Variants in MSH3 observed in about 807,000 individuals in gnomAD.
The protein encoded by MSH3 is DNA mismatch repair protein Msh3.
Under a neutral mutation model 123.3 loss-of-function variants are expected in MSH3, and 106 were observed. That is an observed-to-expected ratio of 0.86 (90% CI 0.73 to 1.01). The LOEUF (loss-of-function observed/expected upper bound fraction) is 1.01. Ranked by LOEUF, MSH3 falls within the 50% of genes least tolerant of loss-of-function variation. MSH3 has a pLI of 0.00. For synonymous variants in MSH3, 515 were observed against 481.4 expected (o/e 1.07, Z -0.91); for missense variants, 1,459 against 1,347.6 (o/e 1.08, Z -1.29).
At chr5:80,662,701 C>T (rs1749462975) in intron 2 of MSH3, among the ~76,000 whole-genome samples, 2 of 152,026 alleles carry the variant, frequency 1.3e-5, no homozygotes, top group Non-Finnish European at 2.9e-5. Flanking sequence ...GTGGCACACA[C>T]CTGTAATCCC....
At chr5:80,832,270 G>T (rs1056112366) in intron 20 of MSH3, among the ~76,000 whole-genome samples, 1 of 152,078 alleles carries the variant, frequency 6.6e-6, no homozygotes, top group African/African-American at 2.4e-5. Context: ...AAAGGGGAGA[G>T]TAAAGAGTTA....
chr5:80,681,552 T>C, intron 8 of MSH3, among the ~76,000 whole-genome samples: 1 of 151,842 alleles, frequency 6.6e-6, no homozygotes, highest in Admixed American at 6.6e-5. Context: ...AATGGATAAA[T>C]TATGATAAAT....
At position 80,864,916 on chromosome 5, in the gene MSH3, G is replaced by C. The variant is rs763246818; in HGVS notation, c.3104G>C (p.Ser1035Thr). The C allele has an allele frequency of 6.2e-7, 1 of 1,613,990 alleles. No individual in the cohort carries two copies. The highest frequency in any genetic ancestry group is 2.2e-5 in the East Asian group (1 of 44,852). Residue 1035 changes from serine to threonine, a missense_variant, in exon 22 of 24, where the codon AGT becomes ACT. By Grantham distance (58) the Ser-to-Thr change is moderately conservative (BLOSUM62 1). Transcript: ENST00000265081. Reference sequence around the variant, plus strand: ...AATTACCACATGGGATTCTTGGTCAGTGAGGATGAAAGCAAACTGGATCCA... The same window carrying C: ...AATTACCACATGGGATTCTTGGTCACTGAGGATGAAAGCAAACTGGATCCA... ...VGNYHMGFLVSEDESKLDPGA... is the reference protein window; with the variant it reads ...VGNYHMGFLVTEDESKLDPGA...
chr5:80,670,860 T>C (rs6151632), intron 4 of MSH3, among the ~76,000 whole-genome samples: 42,159 of 151,964 alleles, frequency 0.28, 6,088 homozygotes, highest in Middle Eastern at 0.35. Context: ...TGGCTCATGC[T>C]TATAATCCCA....
intron 12 of MSH3, among the ~76,000 whole-genome samples, chr5:80,750,881 G>A (rs1274981020): frequency 6.6e-6 from 1 of 152,078 alleles, no homozygotes; most frequent in African/African-American, 2.4e-5. Context: ...TCTTTACAGG[G>A]TTAACTGCTT....
At chr5:80,828,039 A>T (rs1379883395) in intron 20 of MSH3, among the ~76,000 whole-genome samples, 1 of 152,028 alleles carries the variant, frequency 6.6e-6, no homozygotes, top group Non-Finnish European at 1.5e-5. Context: ...CCTTTCTTAC[A>T]ATTGATGAAC....
At chr5:80,697,799 T>G (rs1750516951) in intron 8 of MSH3, among the ~76,000 whole-genome samples, 1 of 152,214 alleles carries the variant, frequency 6.6e-6, no homozygotes, top group Non-Finnish European at 1.5e-5. Context: ...AGTTACTCCA[T>G]TTTTTATAGT....
rs1398703144 is a variant in MSH3 at position 80,768,209 on chromosome 5, A to G, written c.2084+89A>G. ...TATTTGTGGATTCTTAATCTTTACT[A>G]GAATAATAATAGAAGTTGCATGAGT... On this transcript the variant is annotated intron_variant, in intron 14 of 23. Transcript: ENST00000265081. The G allele has an allele frequency of 2.6e-5, 31 of 1,183,512 alleles. 1 individual carries two copies. The Admixed American group carries it at 5.1e-4, about 20-fold the overall frequency. 73.3% of individuals were successfully genotyped at this position (1,183,512 alleles called of 1,614,324 possible).
rs2112020169 is a variant in MSH3, at chr5:80,787,578, C to T, written c.2449C>T (p.His817Tyr). The T allele has an allele frequency of 6.2e-7, 1 of 1,613,128 alleles. No homozygotes were observed. The highest frequency in any genetic ancestry group is 8.5e-7 in the Non-Finnish European group (1 of 1,179,182). Residue 817 changes from histidine (H) to tyrosine (Y), a missense_variant, in exon 18 of 24, where the codon CAT becomes TAT. Physicochemically the swap from His to Tyr is moderately conservative, Grantham distance 83. Transcript: ENST00000265081. Reference protein sequence around the residue: ...WLDFLEKFSEHYHSLCKAVHH... With the variant: ...WLDFLEKFSEYYHSLCKAVHH... ...CTGCTTCCGTAGGAAATTCAGTGAA[C>T]ATTATCACTCCTTGTGTAAAGCAGT...
chr5:80,851,404 G>A (rs1466515352), intron 20 of MSH3, among the ~76,000 whole-genome samples: 4 of 151,990 alleles, frequency 2.6e-5, no homozygotes, highest in Non-Finnish European at 5.9e-5. Context: ...TATATATATA[G>A]AATGTGAATA....
At chr5:80,814,976 C>A (rs985234845) in intron 20 of MSH3, among the ~76,000 whole-genome samples, 4 of 152,264 alleles carry the variant, frequency 2.6e-5, no homozygotes, top group Middle Eastern at 3.4e-3. Context: ...ATGTACATTT[C>A]TAAAAAGTAA....
At chr5:80,828,595 A>T (rs1001715413) in intron 20 of MSH3, among the ~76,000 whole-genome samples, 2 of 152,240 alleles carry the variant, frequency 1.3e-5, no homozygotes, top group Admixed American at 1.3e-4. Flanking sequence ...TCAAAGGACA[A>T]TTCATCTTGA....
chr5:80,716,188 G>C (rs1289123845), intron 8 of MSH3, among the ~76,000 whole-genome samples: 2 of 152,118 alleles, frequency 1.3e-5, no homozygotes, highest in African/African-American at 4.8e-5. Context: ...CTCTATTTCA[G>C]AATTGTGTTG....
At chr5:80,744,328 G>A (rs147553601) in intron 11 of MSH3, among the ~76,000 whole-genome samples, 178 bp from the exon 12 acceptor site, 132 of 152,252 alleles carry the variant, frequency 8.7e-4, no homozygotes, top group African/African-American at 3.1e-3. Context: ...CCTTTTCTGT[G>A]TAAAATGTCA....
rs1434813963 is a variant in MSH3 at position 80,784,228 on chromosome 5, A to AGG, written c.2436-3337_2436-3336insGG. ...ACTACGTCGCAAAAAAAAAAAAAAA[A>AGG]AAAAAAAAAAAGGGAAATAAATAAA... On this transcript the variant is annotated intron_variant, in intron 17 of 23. Transcript: ENST00000265081. 9.8e-4 allele frequency among the ~76,000 whole-genome samples: 136 copies of AGG among 138,912 alleles called. 12 individuals are homozygous for AGG. Among genetic ancestry groups the AGG allele is most frequent in the African/African-American group, 3.7e-3 (129 of 34,520 alleles). 91.1% of individuals were successfully genotyped at this position (138,912 alleles called of 152,430 possible). A position where few individuals can be genotyped will look rare whatever the true frequency, so the allele number is the denominator to read the frequency against.
chr5:80,663,502 T>C (rs1046670251), intron 2 of MSH3, among the ~76,000 whole-genome samples: 14 of 152,048 alleles, frequency 9.2e-5, no homozygotes, highest in East Asian at 7.7e-4. Context: ...TTTTTTTTTT[T>C]CCCAGCAAAT....
chr5:80,709,404 C>T (rs1328722084), intron 8 of MSH3, among the ~76,000 whole-genome samples: 3 of 152,082 alleles, frequency 2.0e-5, no homozygotes, highest in Non-Finnish European at 2.9e-5. Context: ...GGGCGGATCA[C>T]GAGGTCAGGA....
intron 18 of MSH3, among the ~76,000 whole-genome samples, chr5:80,788,311 C>G (rs973120581): frequency 1.3e-5 from 2 of 152,086 alleles, no homozygotes; most frequent in Non-Finnish European, 2.9e-5. Context: ...GTATCACGTG[C>G]CTGTAATCCC....
At chr5:80,824,398 C>G (rs1468358040) in intron 20 of MSH3, among the ~76,000 whole-genome samples, 4 of 149,178 alleles carry the variant, frequency 2.7e-5, no homozygotes, top group Non-Finnish European at 4.5e-5. Flanking sequence ...ACGGGGGCTG[C>G]CCCCCACCTC....
Sources: allele counts gnomAD v4.1 joint callset (sites outside exome capture counted in the v4.1 genomes callset), GRCh38; gene constraint gnomAD v4.1.1; transcripts MANE v1.5; gene names NCBI Gene and HGNC (gene_info 2026-07-23, HGNC 2026-07-21).